Variants in KCNIP4 observed in about 807,000 individuals in gnomAD.
KCNIP4 encodes the protein Kv channel-interacting protein 4.
Under a neutral mutation model 34.0 loss-of-function variants are expected in KCNIP4, and 12 were observed. That is an observed-to-expected ratio of 0.35 (90% CI 0.23 to 0.57). KCNIP4 has a LOEUF of 0.57. Among genes scored for constraint, KCNIP4 ranks in the 20% least tolerant of loss-of-function variants. The pLI, the probability that KCNIP4 is intolerant of heterozygous loss-of-function variation, is 0.83. For missense variants in KCNIP4, 238 were observed against 311.7 expected (o/e 0.76, Z 1.78); for synonymous variants, 124 against 102.2 (o/e 1.21, Z -1.29).
intron 3 of KCNIP4, among the ~76,000 whole-genome samples, chr4:20,838,181 AT>A (rs1719300421): frequency 6.6e-6 from 1 of 152,152 alleles, no homozygotes; most frequent in South Asian, 2.1e-4. Flanking sequence ...CTTGATATGC[AT>A]TCAGTTCTGA....
intron 1 of KCNIP4, among the ~76,000 whole-genome samples, chr4:21,529,055 T>C (rs925356046): frequency 1.2e-4 from 18 of 152,068 alleles, no homozygotes; most frequent in Admixed American, 1.2e-3. Context: ...TCTTTCCTCC[T>C]GCCCAGAGCA....
In KCNIP4 at chr4:21,390,517, A is replaced by C. The variant is rs893073443; in HGVS notation, c.62-507808T>G. The stretch of plus-strand genomic sequence containing the variant: ...AAGGGATCCAGTTTCAGCTTTCTCC[A>C]TATGGCTAGCCAGTTTTCCCAGCAC... On this transcript the variant is annotated intron_variant, in intron 1 of 8. Transcript: ENST00000382152. 3.3e-5 allele frequency among the ~76,000 whole-genome samples: 5 copies of C among 152,270 alleles called. No individual in the cohort carries two copies. The South Asian group carries it at 1.0e-3, about 32-fold the overall frequency.
intron 1 of KCNIP4, among the ~76,000 whole-genome samples, chr4:21,269,002 G>A (rs1302814458): frequency 6.6e-6 from 1 of 152,196 alleles, no homozygotes; most frequent in Non-Finnish European, 1.5e-5. Flanking sequence ...CAGCATAGCT[G>A]AAAAATAAAG....
chr4:21,079,757 G>C (rs1361091127), intron 1 of KCNIP4, among the ~76,000 whole-genome samples: 2 of 151,738 alleles, frequency 1.3e-5, no homozygotes, highest in South Asian at 2.1e-4. Flanking sequence ...TAACCATAAT[G>C]GTTCTTATAA....
At chr4:20,979,080 T>C (rs74866918) in intron 1 of KCNIP4, among the ~76,000 whole-genome samples, 2,677 of 152,316 alleles carry the variant, frequency 0.018, 81 homozygotes, top group African/African-American at 0.062. Context: ...AGATAGCGGA[T>C]TAATCTATCC....
At chr4:21,911,475 T>A (rs1728306912) in intron 1 of KCNIP4, among the ~76,000 whole-genome samples, 1 of 149,732 alleles carries the variant, frequency 6.7e-6, no homozygotes, top group Admixed American at 6.7e-5. Context: ...AGAGTGAGAA[T>A]TTTTTACAAC....
intron 1 of KCNIP4, among the ~76,000 whole-genome samples, chr4:21,922,844 C>A (rs534454793): frequency 6.6e-5 from 10 of 152,160 alleles, no homozygotes; most frequent in Non-Finnish European, 1.5e-4. Flanking sequence ...GCATTTGTTT[C>A]ATTTCTCAAT....
At chr4:21,817,668 T>C (rs1458098177) in intron 1 of KCNIP4, among the ~76,000 whole-genome samples, 2 of 152,096 alleles carry the variant, frequency 1.3e-5, no homozygotes, top group African/African-American at 2.4e-5. Context: ...AAACGGCTGC[T>C]CTGGGAATGT....
intron 1 of KCNIP4, among the ~76,000 whole-genome samples, chr4:20,922,541 C>CTGTT (rs1729497943): frequency 9.5e-6 from 1 of 105,626 alleles, no homozygotes; most frequent in African/African-American, 3.7e-5. Flanking sequence ...GTCTGTCTGT[C>CTGTT]TGTCTGTCTA....
chr4:21,697,848 G>A (rs927298900), intron 1 of KCNIP4: 40 of 179,178 alleles, frequency 2.2e-4, no homozygotes, highest in Middle Eastern at 2.6e-3. Flanking sequence ...ATGTAAGCAG[G>A]TGAGAAGACA....
At chr4:21,837,164 G>T (rs1023134129) in intron 1 of KCNIP4, among the ~76,000 whole-genome samples, 2 of 64,426 alleles carry the variant, frequency 3.1e-5, no homozygotes, top group South Asian at 1.3e-3. Flanking sequence ...TGATCTGCCC[G>T]CCTCAGCCTC....
intron 1 of KCNIP4, among the ~76,000 whole-genome samples, chr4:21,332,144 A>C (rs1715702178): frequency 6.6e-6 from 1 of 152,130 alleles, no homozygotes; most frequent in South Asian, 2.1e-4. Context: ...AAATGGAATC[A>C]GAAGCAGCAA....
chr4:20,934,624 C>A lies in KCNIP4; in HGVS notation c.62-51915G>T, dbSNP rs571697492. ...ACACACTATGCAAGCATTGCAGATA[C>A]AACAGTGGATTTTTCTAAAAAGATA... On this transcript the variant is annotated intron_variant, in intron 1 of 8. Transcript: ENST00000382152. 5.3e-5 allele frequency among the ~76,000 whole-genome samples: 8 copies of A among 152,244 alleles called. No individual in the cohort carries two copies. The East Asian group carries it at 1.3e-3, about 26-fold the overall frequency.
chr4:21,757,170 G>GAAAGAAAGAAA (rs1560691312), intron 1 of KCNIP4, among the ~76,000 whole-genome samples: 28 of 33,652 alleles, frequency 8.3e-4, no homozygotes, highest in East Asian at 4.6e-3. Context: ...AAAGAAAGAA[G>GAAAGAAAGAAA]GAAGGAAGGA....
At chr4:21,203,975 T>A (rs1185583047) in intron 1 of KCNIP4, among the ~76,000 whole-genome samples, 1 of 152,206 alleles carries the variant, frequency 6.6e-6, no homozygotes, top group Non-Finnish European at 1.5e-5. Context: ...GGAAAACACC[T>A]ACTAGTGTTG....
At chr4:20,994,087 ATTTT>A (rs1737323033) in intron 1 of KCNIP4, among the ~76,000 whole-genome samples, 1 of 152,170 alleles carries the variant, frequency 6.6e-6, no homozygotes, top group African/African-American at 2.4e-5. Flanking sequence ...TACAATTCTT[ATTTT>A]AAGGACATCT....
At chr4:21,005,169 A>G (rs1311400064) in intron 1 of KCNIP4, among the ~76,000 whole-genome samples, 1 of 152,180 alleles carries the variant, frequency 6.6e-6, no homozygotes, top group African/African-American at 2.4e-5. Context: ...CAAAAACCCA[A>G]TAAAAACAGG....
intron 1 of KCNIP4, among the ~76,000 whole-genome samples, chr4:21,427,830 A>T (rs1013449670): frequency 2.0e-5 from 3 of 152,204 alleles, no homozygotes; most frequent in Non-Finnish European, 4.4e-5. Context: ...AAGAAAACTG[A>T]CAGCCAGAAA....
chr4:21,121,922 C>T (rs771059480), intron 1 of KCNIP4, among the ~76,000 whole-genome samples: 120 of 152,194 alleles, frequency 7.9e-4, no homozygotes, highest in Non-Finnish European at 1.5e-3. Flanking sequence ...CAATGGCCAT[C>T]TTTTGAACTT....
Sources: allele counts gnomAD v4.1 joint callset (sites outside exome capture counted in the v4.1 genomes callset), GRCh38; gene constraint gnomAD v4.1.1; transcripts MANE v1.5; gene names NCBI Gene and HGNC (gene_info 2026-07-23, HGNC 2026-07-21).